The following ADK variants were observed in gnomAD, a reference collection of about 807,000 sequenced individuals.
The protein encoded by ADK is N6,N6-dimethyladenosine kinase.
ADK carries 24 observed loss-of-function variants against 44.7 expected under a neutral mutation model. The observed-to-expected ratio is 0.54, with a 90% CI of 0.39 to 0.76. The LOEUF (loss-of-function observed/expected upper bound fraction) is 0.76, where lower values mean the gene tolerates loss of function less well. Among genes scored for constraint, ADK ranks in the 30% least tolerant of loss-of-function variants. The pLI, the probability that ADK is intolerant of heterozygous loss-of-function variation, is 0.00. For synonymous variants in ADK, 128 were observed against 142.6 expected (o/e 0.90, Z 0.73); for missense variants, 321 against 425.1 (o/e 0.76, Z 2.15).
At chr10:74,264,615 A>G (rs924968806) in intron 3 of ADK, among the ~76,000 whole-genome samples, 1 of 152,182 alleles carries the variant, frequency 6.6e-6, no homozygotes, top group African/African-American at 2.4e-5. Context: ...TTTGCCTCAC[A>G]CAAGTTTTAA....
chr10:74,403,619 T>C (rs1357930505), intron 6 of ADK, among the ~76,000 whole-genome samples: 1 of 151,972 alleles, frequency 6.6e-6, no homozygotes, highest in Non-Finnish European at 1.5e-5. Context: ...AGGGTGAGAG[T>C]GTCCTGATTT....
intron 3 of ADK, among the ~76,000 whole-genome samples, chr10:74,242,133 G>A (rs1346253532): frequency 6.6e-6 from 1 of 152,242 alleles, no homozygotes; most frequent in Non-Finnish European, 1.5e-5. Context: ...AGGGCAAGAA[G>A]CAGAGATGAA....
chr10:74,569,279 T>G (rs1159383697), intron 7 of ADK, among the ~76,000 whole-genome samples: 1 of 152,190 alleles, frequency 6.6e-6, no homozygotes, highest in African/African-American at 2.4e-5. Context: ...TATAATCCCT[T>G]GGGTATATAC....
intron 6 of ADK, among the ~76,000 whole-genome samples, chr10:74,434,670 G>A (rs1342565734): frequency 6.6e-6 from 1 of 152,172 alleles, no homozygotes; most frequent in Non-Finnish European, 1.5e-5. Context: ...TGGTCTGTTT[G>A]GGGATCTGGC....
At chr10:74,595,387 TTTTTTGGG>T (rs1412080525) in intron 8 of ADK, among the ~76,000 whole-genome samples, 2 of 7,044 alleles carry the variant, frequency 2.8e-4, no homozygotes, top group African/African-American at 5.6e-4. Flanking sequence ...TTTTTTTTTT[TTTTTTGGG>T]GAGGGGGTTT....
At chr10:74,640,746 A>G (rs1403399147) in intron 9 of ADK, among the ~76,000 whole-genome samples, 2 of 152,262 alleles carry the variant, frequency 1.3e-5, no homozygotes, top group African/African-American at 2.4e-5. Context: ...CTGTATTCCA[A>G]TAAAACTCTA....
intron 3 of ADK, among the ~76,000 whole-genome samples, chr10:74,255,490 A>G (rs1845792782): frequency 6.6e-6 from 1 of 152,194 alleles, no homozygotes; most frequent in African/African-American, 2.4e-5. Flanking sequence ...TTTGAGCCAC[A>G]AGGAGTCTAT....
At chr10:74,669,110 G>T (rs1192173811) in intron 9 of ADK, among the ~76,000 whole-genome samples, 1 of 152,086 alleles carries the variant, frequency 6.6e-6, no homozygotes, top group Admixed American at 6.6e-5. Flanking sequence ...GTCATTCCAG[G>T]AGAGTATTTT....
chr10:74,372,445 A>G (rs1029906619), intron 4 of ADK: 6 of 534,762 alleles, frequency 1.1e-5, no homozygotes, highest in South Asian at 2.2e-5. Context: ...CTTAAGCAAC[A>G]TGGAAATAAG....
At chr10:74,592,082 C>T (rs1470793723) in intron 8 of ADK, among the ~76,000 whole-genome samples, 1 of 151,626 alleles carries the variant, frequency 6.6e-6, no homozygotes, top group Non-Finnish European at 1.5e-5. Flanking sequence ...CAGTGAGAAG[C>T]AGCAGCTTAG....
At chr10:74,554,037 G>A (rs1324208676) in intron 7 of ADK, among the ~76,000 whole-genome samples, 2 of 152,112 alleles carry the variant, frequency 1.3e-5, no homozygotes, top group South Asian at 2.1e-4. Context: ...TCATGAAGAA[G>A]GTGAATCTTT....
rs747040184 is a variant in ADK, at chr10:74,491,102, A to C, written c.556-34154A>C. ...TTTATATACAGCCATTTGTCGATTAAATATTAAATACCGGATCAGCTTAAA... is the reference window on the plus strand; with the variant it reads ...TTTATATACAGCCATTTGTCGATTACATATTAAATACCGGATCAGCTTAAA... On this transcript the variant is annotated intron_variant, in intron 6 of 10. Coordinates refer to ENST00000539909, the MANE Select transcript of ADK (RefSeq NM_006721.4). Among the ~76,000 whole-genome samples, 3 of 152,248 alleles carry C rather than the reference A, an allele frequency of 2.0e-5. No individual in the cohort carries two copies. In the South Asian group the frequency reaches 6.2e-4, roughly 32 times the overall value.
At chr10:74,479,996 A>G (rs1847005873) in intron 6 of ADK, among the ~76,000 whole-genome samples, 1 of 152,068 alleles carries the variant, frequency 6.6e-6, no homozygotes, top group Non-Finnish European at 1.5e-5. Context: ...TCCCCCAATC[A>G]TGCTTGGATG....
At chr10:74,230,475 CTT>C (rs201068955) in intron 3 of ADK, among the ~76,000 whole-genome samples, 70 of 142,560 alleles carry the variant, frequency 4.9e-4, no homozygotes, top group African/African-American at 6.4e-4. Flanking sequence ...AGTATATAGT[CTT>C]TTTTTTTTTT....
At chr10:74,310,243 A>T (rs1019241015) in intron 3 of ADK, among the ~76,000 whole-genome samples, 2 of 152,188 alleles carry the variant, frequency 1.3e-5, no homozygotes, top group Non-Finnish European at 2.9e-5. Context: ...GGAAAAAGTC[A>T]TGTAAGGAAA....
chr10:74,188,918 G>A (rs1842863565), intron 1 of ADK, among the ~76,000 whole-genome samples: 2 of 151,760 alleles, frequency 1.3e-5, no homozygotes, highest in East Asian at 1.9e-4. Context: ...GACTATAGGC[G>A]TGCACCACCA....
intron 7 of ADK, among the ~76,000 whole-genome samples, chr10:74,560,339 A>C (rs1270375373): frequency 2.0e-5 from 3 of 152,206 alleles, no homozygotes; most frequent in African/African-American, 4.8e-5. Context: ...TAGTAATATC[A>C]GATGATGTGT....
intron 9 of ADK, among the ~76,000 whole-genome samples, chr10:74,607,812 A>AGATATGCTC (rs1852385018): frequency 1.3e-5 from 2 of 151,370 alleles, no homozygotes; most frequent in South Asian, 2.1e-4. Flanking sequence ...CTTGGATAAT[A>AGATATGCTC]TTCTGAAGAG....
chr10:74,361,434 A>G (rs73288024), intron 4 of ADK, among the ~76,000 whole-genome samples: 4,050 of 152,276 alleles, frequency 0.027, 164 homozygotes, highest in African/African-American at 0.081. Flanking sequence ...TTATAAATAA[A>G]CATCCTGTAG....
Sources: gnomAD v4.1 joint callset for allele counts (sites outside exome capture counted in the v4.1 genomes callset) on GRCh38, gnomAD v4.1.1 for gene constraint, MANE v1.5 for transcripts, NCBI Gene and HGNC (gene_info 2026-07-23, HGNC 2026-07-21) for gene names.